Variants in ZCCHC17 observed in about 807,000 individuals in gnomAD.
The protein encoded by ZCCHC17 is zinc finger CCHC-type containing 17, also known as zinc finger CCHC domain-containing protein 17.
In ZCCHC17, 18 loss-of-function variants were observed where a neutral mutation model predicts 30.6. The observed-to-expected ratio is 0.59, with a 90% CI of 0.41 to 0.87. The LOEUF (loss-of-function observed/expected upper bound fraction) is 0.87, where lower values mean the gene tolerates loss of function less well. Among genes scored for constraint, ZCCHC17 ranks in the 40% least tolerant of loss-of-function variants. The pLI, the probability that ZCCHC17 is intolerant of heterozygous loss-of-function variation, is 0.00. For missense variants in ZCCHC17, 263 were observed against 284.2 expected (o/e 0.93, Z 0.54); for synonymous variants, 88 against 92.4 (o/e 0.95, Z 0.27).
chr1:31,344,400 A>T (rs1205990474), intron 5 of ZCCHC17, among the ~76,000 whole-genome samples: 1 of 152,220 alleles, frequency 6.6e-6, no homozygotes, highest in Non-Finnish European at 1.5e-5. Context: ...GAAAAGAATC[A>T]TGTTTTGTTC....
intron 3 of ZCCHC17, 138 bp downstream of exon 3, chr1:31,319,304 A>G (rs1429651130): frequency 1.5e-6 from 1 of 664,706 alleles, no homozygotes; most frequent in African/African-American, 1.8e-5. Flanking sequence ...ATAGATATGA[A>G]TACAAGATGA....
At chr1:31,339,879 T>C (rs1638969683) in intron 5 of ZCCHC17, among the ~76,000 whole-genome samples, 1 of 151,924 alleles carries the variant, frequency 6.6e-6, no homozygotes. Flanking sequence ...ACCTTTCATT[T>C]AGGAATGGGA....
At chr1:31,358,977 A>C (rs1484940956) in intron 7 of ZCCHC17, among the ~76,000 whole-genome samples, 1 of 152,206 alleles carries the variant, frequency 6.6e-6, no homozygotes, top group Non-Finnish European at 1.5e-5. Flanking sequence ...GGAACAGCCA[A>C]GGAAGTTTGT....
chr1:31,338,190 T>C (rs1638896387), intron 4 of ZCCHC17, among the ~76,000 whole-genome samples: 1 of 146,022 alleles, frequency 6.8e-6, no homozygotes, highest in Non-Finnish European at 1.5e-5. Context: ...ACTGTGTTAC[T>C]ACCCAGGCTG....
chr1:31,314,733 C>A (rs559908991), intron 2 of ZCCHC17, among the ~76,000 whole-genome samples: 2 of 152,096 alleles, frequency 1.3e-5, no homozygotes, highest in African/African-American at 4.8e-5. Context: ...ATGGAGTCTT[C>A]CTCTGTCGCT....
Position 31,310,710 on chromosome 1 carries a change from T to C in ZCCHC17, c.66+546T>C, listed in dbSNP as rs1484817638. On this transcript the variant is annotated intron_variant, in intron 2 of 7. Coordinates refer to ENST00000344147, the MANE Select transcript of ZCCHC17 (RefSeq NM_016505.4). ...CTATGAGCCAAATAAATTTCATTTCTTTATAAATTATCCAGTCTCTGGTAT... is the reference window on the plus strand; with the variant it reads ...CTATGAGCCAAATAAATTTCATTTCCTTATAAATTATCCAGTCTCTGGTAT... Among the ~76,000 whole-genome samples the C allele has an allele frequency of 2.0e-5, 3 of 152,268 alleles. 1 individual carries two copies. The highest frequency in any genetic ancestry group is 1.5e-5 in the Non-Finnish European group (1 of 68,036).
rs180776740 is a variant in ZCCHC17 at position 31,300,343 on chromosome 1, A to G, written c.-56+3268A>G. Among the ~76,000 whole-genome samples, 5 of 152,240 alleles carry G rather than the reference A, an allele frequency of 3.3e-5. No homozygotes were observed. In the East Asian group the frequency reaches 9.7e-4, roughly 29 times the overall value. ...CCAAAGTGCTACGATTATAGGCATA[A>G]GCCACCATGCCTGGCCCCCAAGCTT... On this transcript the variant is annotated intron_variant, in intron 1 of 7. Coordinates refer to ENST00000344147, the MANE Select transcript of ZCCHC17 (RefSeq NM_016505.4).
At chr1:31,343,560 G>A (rs1381044046) in intron 5 of ZCCHC17, among the ~76,000 whole-genome samples, 1 of 152,110 alleles carries the variant, frequency 6.6e-6, no homozygotes, top group Admixed American at 6.6e-5. Flanking sequence ...AAGTGTTAAT[G>A]AGATAATCTA....
At chr1:31,357,010 G>A (rs1639667669) in intron 7 of ZCCHC17, among the ~76,000 whole-genome samples, 1 of 152,176 alleles carries the variant, frequency 6.6e-6, no homozygotes, top group South Asian at 2.1e-4. Context: ...ATATGCCATC[G>A]TAGGTCTTTC....
At chr1:31,333,068 AC>A (rs1638654473) in intron 3 of ZCCHC17, 3 of 152,174 alleles carry the variant, frequency 2.0e-5, no homozygotes, top group African/African-American at 7.2e-5. Context: ...TTTTCTATAA[AC>A]ATTTAATGGC....
At chr1:31,328,955 C>T (rs1053129689) in intron 3 of ZCCHC17, among the ~76,000 whole-genome samples, 5 of 151,880 alleles carry the variant, frequency 3.3e-5, no homozygotes, top group African/African-American at 1.2e-4. Context: ...TCAGTTGAGC[C>T]GTCCAGGAGT....
intron 7 of ZCCHC17, among the ~76,000 whole-genome samples, chr1:31,353,543 C>T (rs1426119358): frequency 6.6e-6 from 1 of 152,070 alleles, no homozygotes; most frequent in African/African-American, 2.4e-5. Context: ...CTTTTAATGT[C>T]ATACTCAAGA....
At chr1:31,339,821 G>A (rs1335081348) in intron 5 of ZCCHC17, among the ~76,000 whole-genome samples, 2 of 152,150 alleles carry the variant, frequency 1.3e-5, no homozygotes, top group Admixed American at 1.3e-4. Context: ...CACATCTTGG[G>A]ATACACTGTG....
intron 3 of ZCCHC17, among the ~76,000 whole-genome samples, chr1:31,330,011 T>C (rs1197907926): frequency 1.3e-5 from 2 of 152,238 alleles, no homozygotes; most frequent in African/African-American, 4.8e-5. Flanking sequence ...AATGTGCTTA[T>C]ATTATTGTCA....
At chr1:31,325,158 T>C (rs1638284916) in intron 3 of ZCCHC17, among the ~76,000 whole-genome samples, 1 of 152,032 alleles carries the variant, frequency 6.6e-6, no homozygotes, top group Non-Finnish European at 1.5e-5. Flanking sequence ...CCATTCTGGG[T>C]CTCCTCTCTG....
intron 1 of ZCCHC17, 175 bp downstream of exon 1, chr1:31,297,250 C>G (rs1646185724): frequency 2.5e-6 from 1 of 398,820 alleles, no homozygotes; most frequent in South Asian, 1.2e-4. Context: ...GGGGCAGGAG[C>G]GGAGCCTTGG....
chr1:31,344,289 G>A (rs1431089949), intron 5 of ZCCHC17, among the ~76,000 whole-genome samples: 1 of 151,998 alleles, frequency 6.6e-6, no homozygotes, highest in Non-Finnish European at 1.5e-5. Context: ...CACAACTGCT[G>A]GTCCATAGGG....
intron 3 of ZCCHC17, among the ~76,000 whole-genome samples, chr1:31,330,478 G>T (rs1250184493): frequency 6.6e-6 from 1 of 152,164 alleles, no homozygotes; most frequent in Admixed American, 6.5e-5. Context: ...TTGGTGTAGC[G>T]TGGGAAGCAA....
At chr1:31,307,720 G>A (rs1646499888) in intron 1 of ZCCHC17, among the ~76,000 whole-genome samples, 1 of 151,998 alleles carries the variant, frequency 6.6e-6, no homozygotes, top group Admixed American at 6.6e-5. Flanking sequence ...GACCACAGGT[G>A]TGCACCACCA....
Sources: allele counts gnomAD v4.1 joint callset (sites outside exome capture counted in the v4.1 genomes callset), GRCh38; gene constraint gnomAD v4.1.1; transcripts MANE v1.5; gene names NCBI Gene and HGNC (gene_info 2026-07-23, HGNC 2026-07-21).